Variants in KAT6B observed in about 807,000 individuals in gnomAD.
KAT6B encodes histone acetyltransferase KAT6B.
Under a neutral mutation model 187.5 loss-of-function variants are expected in KAT6B, and 10 were observed. That is an observed-to-expected ratio of 0.05 (90% CI 0.03 to 0.09). KAT6B has a LOEUF of 0.09. Ranked by LOEUF, KAT6B falls within the 10% of genes least tolerant of loss-of-function variation. The pLI is 1.00. For missense variants in KAT6B, 1,952 were observed against 2,558.9 expected (o/e 0.76, Z 5.12); for synonymous variants, 861 against 926.8 (o/e 0.93, Z 1.29).
At chr10:74,872,500 C>T (rs1844067618) in intron 3 of KAT6B, among the ~76,000 whole-genome samples, 1 of 152,052 alleles carries the variant, frequency 6.6e-6, no homozygotes. Flanking sequence ...CTCAGCCTCC[C>T]GAGTAGGTGG....
rs1005360972 is a variant in KAT6B, at chr10:75,008,722, C to T, written c.2630-11860C>T. On this transcript the variant is annotated intron_variant, in intron 13 of 17. Coordinates refer to ENST00000287239, the MANE Select transcript of KAT6B (RefSeq NM_012330.4). Reference sequence around the variant, plus strand: ...GAGAGGAAATAAAATGAATGATGCCCGTGAATTTGTTTTAAACATTGTTTA... The same window carrying T: ...GAGAGGAAATAAAATGAATGATGCCTGTGAATTTGTTTTAAACATTGTTTA... Among the ~76,000 whole-genome samples, 57 of 151,990 alleles carry T rather than the reference C, an allele frequency of 3.8e-4. 1 individual carries two copies. Among genetic ancestry groups the T allele is most frequent in the Admixed American group, 3.1e-3 (48 of 15,264 alleles).
chr10:74,870,710 C>T (rs541158780), intron 3 of KAT6B, among the ~76,000 whole-genome samples: 2 of 152,108 alleles, frequency 1.3e-5, no homozygotes, highest in Admixed American at 6.5e-5. Flanking sequence ...TCCTGAGTAG[C>T]TGGGATTACA....
In KAT6B at chr10:75,030,258, T is replaced by C. The variant is rs200728982; in HGVS notation, c.5434T>C (p.Ser1812Pro). Residue 1812 changes from serine to proline, a missense_variant, in exon 18 of 18, where the codon TCA becomes CCA. By Grantham distance (74) the Ser-to-Pro change is moderately conservative. Around this residue, in one of 9 missense-constraint regions of KAT6B, gnomAD observed 358 missense variants for 436.3 expected, o/e 0.82. Coordinates refer to ENST00000287239, the MANE Select transcript of KAT6B (RefSeq NM_012330.4). The surrounding 1 kb of genome is among the most constrained non-coding windows in gnomAD (Gnocchi z 4.8). Reference sequence around the variant, plus strand: ...TGGGGCTGGGCATTACCCGCAGCCGTCAGCCACCTTCAGCCTTGCCAAACT... The same window carrying C: ...TGGGGCTGGGCATTACCCGCAGCCGCCAGCCACCTTCAGCCTTGCCAAACT... ...DFGAGHYPQP[S>P]ATFSLAKLQQ... The C allele has an allele frequency of 1.1e-5, 18 of 1,614,228 alleles. No homozygotes were observed. The East Asian group carries it at 2.2e-4, about 20-fold the overall frequency.
chr10:74,929,907 T>G (rs1848749421), intron 3 of KAT6B, among the ~76,000 whole-genome samples: 1 of 151,722 alleles, frequency 6.6e-6, no homozygotes, highest in Admixed American at 6.6e-5. Context: ...TAAATTATCC[T>G]TATATTATTT....
intron 3 of KAT6B, among the ~76,000 whole-genome samples, chr10:74,853,018 A>G (rs1227251521): frequency 6.6e-6 from 1 of 151,856 alleles, no homozygotes; most frequent in African/African-American, 2.4e-5. Flanking sequence ...CTCTTCAAAC[A>G]TTATTTAACA....
At chr10:74,977,229 T>G in intron 8 of KAT6B, 87 bp from the exon 9 acceptor site, 1 of 1,435,708 alleles carries the variant, frequency 7.0e-7, no homozygotes, top group African/African-American at 1.4e-5. Context: ...TTGCCCAGTA[T>G]GCTAATTTGG....
At position 74,936,259 on chromosome 10, in the gene KAT6B, C is replaced by T. The variant is rs537796783; in HGVS notation, c.622-23711C>T. On this transcript the variant is annotated intron_variant, in intron 3 of 17. Transcript: ENST00000287239. Reference sequence around the variant, plus strand: ...CTACCAAAAATACAAAAAAATTAGCCGGGCATGGTGGCAGGCGCCTGTAAT... The same window carrying T: ...CTACCAAAAATACAAAAAAATTAGCTGGGCATGGTGGCAGGCGCCTGTAAT... Among the ~76,000 whole-genome samples the T allele has an allele frequency of 4.6e-5, 7 of 151,834 alleles. No homozygotes were observed. In the South Asian group the frequency reaches 6.2e-4, roughly 14 times the overall value.
intron 3 of KAT6B, among the ~76,000 whole-genome samples, chr10:74,874,040 A>C (rs547250757): frequency 2.6e-5 from 4 of 152,260 alleles, no homozygotes; most frequent in African/African-American, 9.6e-5. Flanking sequence ...AAAAAAAAAG[A>C]GAAACAGAAT....
intron 3 of KAT6B, among the ~76,000 whole-genome samples, chr10:74,857,135 G>C (rs150356206): frequency 6.6e-6 from 1 of 152,336 alleles, no homozygotes; most frequent in East Asian, 1.9e-4. Context: ...CTTTCACCCA[G>C]TGTGTATTAG....
chr10:74,987,164 G>A (rs577512426), intron 12 of KAT6B, among the ~76,000 whole-genome samples: 5 of 152,232 alleles, frequency 3.3e-5, no homozygotes, highest in East Asian at 3.9e-4. Context: ...GGCCGGGTGC[G>A]GTGGCTCACG....
intron 3 of KAT6B, among the ~76,000 whole-genome samples, chr10:74,952,708 T>C (rs528505357): frequency 1.3e-5 from 2 of 151,864 alleles, no homozygotes; most frequent in South Asian, 4.2e-4. Flanking sequence ...TTTTTTAAGA[T>C]GGAGTTTCAT....
At chr10:74,921,930 T>C (rs1215713719) in intron 3 of KAT6B, among the ~76,000 whole-genome samples, 2 of 152,220 alleles carry the variant, frequency 1.3e-5, no homozygotes, top group African/African-American at 2.4e-5. Flanking sequence ...CCACAGACCC[T>C]GACTCCCCCT....
At chr10:74,897,849 T>C (rs1846096187) in intron 3 of KAT6B, among the ~76,000 whole-genome samples, 1 of 152,238 alleles carries the variant, frequency 6.6e-6, no homozygotes, top group Admixed American at 6.5e-5. Context: ...TCTATGGCTC[T>C]AAAAATTGAA....
At position 75,024,945 on chromosome 10, in the gene KAT6B, G is replaced by C; in HGVS notation, c.3373-13G>C. On this transcript the variant is annotated splice_polypyrimidine_tract_variant and intron_variant, in intron 16 of 17. Transcript: ENST00000287239. Reference sequence around the variant, plus strand: ...CATGAGCTCTTATGTGTTATGTTTGGAATTAATTTCAGAGGCCTTTTGTAC... The same window carrying C: ...CATGAGCTCTTATGTGTTATGTTTGCAATTAATTTCAGAGGCCTTTTGTAC... 6.2e-7 allele frequency: 1 copy of C among 1,613,290 alleles called. No individual in the cohort carries two copies. The highest frequency in any genetic ancestry group is 2.2e-5 in the East Asian group (1 of 44,878).
chr10:74,941,944 G>A (rs1416221757), intron 3 of KAT6B, among the ~76,000 whole-genome samples: 1 of 152,012 alleles, frequency 6.6e-6, no homozygotes, highest in African/African-American at 2.4e-5. Flanking sequence ...GAGTTCAAGA[G>A]TTCAAGACCA....
intron 3 of KAT6B, among the ~76,000 whole-genome samples, chr10:74,959,139 C>T (rs1840908231): frequency 6.6e-6 from 1 of 152,056 alleles, no homozygotes; most frequent in South Asian, 2.1e-4. Flanking sequence ...TTTTGAAGAC[C>T]TTCGTGGCAC....
At position 74,853,810 on chromosome 10, in the gene KAT6B, A is replaced by G. The variant is rs377656889; in HGVS notation, c.621+10332A>G. On this transcript the variant is annotated intron_variant, in intron 3 of 17. Coordinates refer to ENST00000287239, the MANE Select transcript of KAT6B (RefSeq NM_012330.4). Reference sequence around the variant, plus strand: ...TCCTGGCTAATTTTTTTGTATTTTTAGTAGAGACGGGGGTTTCACCATATT... The same window carrying G: ...TCCTGGCTAATTTTTTTGTATTTTTGGTAGAGACGGGGGTTTCACCATATT... Among the ~76,000 whole-genome samples the G allele has an allele frequency of 2.1e-4, 32 of 150,046 alleles. No homozygotes were observed. The South Asian group carries it at 6.4e-3, about 30-fold the overall frequency.
chr10:74,962,474 C>T (rs1452027822), intron 4 of KAT6B, among the ~76,000 whole-genome samples: 1 of 152,216 alleles, frequency 6.6e-6, no homozygotes, highest in Non-Finnish European at 1.5e-5. Context: ...TGCCTTCTCA[C>T]TCTCAGAAGA....
At chr10:74,871,185 C>CTTTTTTTTT (rs746074814) in intron 3 of KAT6B, among the ~76,000 whole-genome samples, 10 of 76,740 alleles carry the variant, frequency 1.3e-4, no homozygotes, top group South Asian at 4.6e-4. Flanking sequence ...CAAGCCTGGC[C>CTTTTTTTTT]TTTTTTTTTT....
Sources: allele counts gnomAD v4.1 joint callset (sites outside exome capture counted in the v4.1 genomes callset), GRCh38; gene constraint gnomAD v4.1.1; regional missense constraint gnomAD v4.1.1; non-coding constraint Gnocchi (gnomAD v3.1); transcripts MANE v1.5; gene names NCBI Gene and HGNC (gene_info 2026-07-23, HGNC 2026-07-21).